Variants in ARSG observed in about 807,000 individuals in gnomAD.
The protein encoded by ARSG is ASG.
In ARSG, 37 loss-of-function variants were observed where a neutral mutation model predicts 50.5. That is an observed-to-expected ratio of 0.73 (90% CI 0.56 to 0.96). The LOEUF is 0.96. Ranked by LOEUF, ARSG falls within the 50% of genes least tolerant of loss-of-function variation. The pLI is 0.00. For synonymous variants in ARSG, 225 were observed against 254.6 expected, an observed-to-expected ratio of 0.88 and a Z score of 1.11; for missense variants, 629 against 675.3, an observed-to-expected ratio of 0.93 and a Z score of 0.76.
intron 4 of ARSG, among the ~76,000 whole-genome samples, chr17:68,348,079 G>A (rs57530523): frequency 0.025 from 3,838 of 152,210 alleles, 157 homozygotes; most frequent in African/African-American, 0.088. Context: ...ATTGGCTGAC[G>A]TCTTCTTCAA....
downstream of ARSG, chr17:68,426,243 GGGGA>G (rs758617804): frequency 1.7e-4 from 159 of 935,214 alleles, no homozygotes; most frequent in Non-Finnish European, 2.3e-4. Context: ...CCTGGCGGGT[GGGGA>G]GCGGGGGCTC....
At chr17:68,432,647 G>A in the ARSG span, among the ~76,000 whole-genome samples, 3 of 152,046 alleles carry the variant, frequency 2.0e-5, no homozygotes, top group East Asian at 1.9e-4. Context: ...ATGTATCAGC[G>A]TGATATGGTG....
At chr17:68,322,628 T>TA (rs143585124) in intron 2 of ARSG, among the ~76,000 whole-genome samples, 8,473 of 127,788 alleles carry the variant, frequency 0.066, 280 homozygotes, top group East Asian at 0.12. Context: ...AAAAATAAAA[T>TA]AAAAAAAAAT....
chr17:68,424,348 C>G, downstream of ARSG: 1 of 490,524 alleles, frequency 2.0e-6, no homozygotes, highest in South Asian at 1.5e-5. Flanking sequence ...GCCCTGCATG[C>G]AGGGCCCCAC....
chr17:68,331,231 TTG>T (rs1167675528), intron 2 of ARSG, among the ~76,000 whole-genome samples: 4 of 18,456 alleles, frequency 2.2e-4, no homozygotes, highest in African/African-American at 1.0e-3. Context: ...CTTTCTTTCT[TTG>T]TTTCTTTCTT....
chr17:68,273,201 GTTCAT>G (rs1287072331), intron 1 of ARSG, among the ~76,000 whole-genome samples: 1 of 151,034 alleles, frequency 6.6e-6, no homozygotes, highest in Non-Finnish European at 1.5e-5. Flanking sequence ...TCCTTTTATT[GTTCAT>G]TTCATTTTTT....
chr17:68,397,617 T>C (rs2081299837), intron 10 of ARSG, among the ~76,000 whole-genome samples: 1 of 152,032 alleles, frequency 6.6e-6, no homozygotes, highest in Admixed American at 6.6e-5. Context: ...GGTAAGAATA[T>C]GAGGAATTAT....
intron 1 of ARSG, among the ~76,000 whole-genome samples, chr17:68,262,393 C>T (rs1271403920): frequency 6.6e-6 from 1 of 151,958 alleles, no homozygotes. Flanking sequence ...ATTGCTTGAG[C>T]CTGGGAGGCG....
At chr17:68,433,760 G>GTTTTTTTTTTTTTTTTTT in the ARSG span, among the ~76,000 whole-genome samples, 1 of 72,818 alleles carries the variant, frequency 1.4e-5, no homozygotes, top group African/African-American at 6.6e-5. Context: ...AAGGGTCATA[G>GTTTTTTTTTTTTTTTTTT]TTTTTTTTTT....
At chr17:68,352,113 GA>G (rs2078804454) in intron 5 of ARSG, among the ~76,000 whole-genome samples, 3 of 100,282 alleles carry the variant, frequency 3.0e-5, no homozygotes, top group East Asian at 2.3e-4. Context: ...GAGAGAGAGA[GA>G]CAGAGGAGAG....
intron 1 of ARSG, among the ~76,000 whole-genome samples, chr17:68,282,341 G>A (rs551000605): frequency 1.3e-3 from 201 of 152,136 alleles, no homozygotes; most frequent in African/African-American, 4.4e-3. Context: ...ATCACACACC[G>A]GGGCCTGTCG....
intron 10 of ARSG, among the ~76,000 whole-genome samples, chr17:68,398,067 T>C (rs1337181446): frequency 6.6e-6 from 1 of 152,218 alleles, no homozygotes; most frequent in Non-Finnish European, 1.5e-5. Flanking sequence ...GTGCCTGGGC[T>C]GCATATGCAT....
chr17:68,268,912 AG>A (rs2075238322), intron 1 of ARSG: 1 of 1,369,230 alleles, frequency 7.3e-7, no homozygotes, highest in Non-Finnish European at 9.8e-7. Context: ...AAAAAAAAAA[AG>A]CTTAAAACAA....
the ARSG span, chr17:68,430,195 G>A: frequency 1.9e-6 from 3 of 1,581,898 alleles, no homozygotes; most frequent in Non-Finnish European, 2.6e-6. Context: ...ATGGGACTGG[G>A]CTGCAGGCCC....
intron 1 of ARSG, among the ~76,000 whole-genome samples, chr17:68,292,213 C>T (rs1426668039): frequency 2.0e-5 from 3 of 151,816 alleles, no homozygotes; most frequent in African/African-American, 7.3e-5. Flanking sequence ...GCTGAGTCAG[C>T]ATCCCCGGCC....
chr17:68,399,108 C>T lies in ARSG; in HGVS notation c.1213-2252C>T, dbSNP rs2081370171. 6.6e-6 allele frequency among the ~76,000 whole-genome samples: 1 copy of T among 152,224 alleles called. No individual in the cohort carries two copies. The highest frequency in any genetic ancestry group is 2.4e-5 in the African/African-American group (1 of 41,460). On this transcript the variant is annotated intron_variant, in intron 10 of 11. Transcript: ENST00000621439. This position sits in a 1 kb window ranked among gnomAD's most constrained non-coding sequence, Gnocchi z 4.6. ...AGCTCTGCATCTGCCCAGCCTCACA[C>T]AGTCTGGGGCTGCTGTGGGTCATCA...
At chr17:68,377,622 A>G (rs2080214829) in intron 8 of ARSG, among the ~76,000 whole-genome samples, 1 of 152,196 alleles carries the variant, frequency 6.6e-6, no homozygotes, top group East Asian at 1.9e-4. Context: ...AACCCCCATT[A>G]GACTAAATTT....
intron 1 of ARSG, among the ~76,000 whole-genome samples, chr17:68,298,372 G>A (rs1270674052): frequency 1.3e-5 from 2 of 151,916 alleles, no homozygotes; most frequent in Non-Finnish European, 2.9e-5. Flanking sequence ...GGAGGGTGAG[G>A]TGGGTGGATC....
chr17:68,411,797 T>C (rs2082012070), intron 11 of ARSG, among the ~76,000 whole-genome samples: 1 of 148,762 alleles, frequency 6.7e-6, no homozygotes, highest in Non-Finnish European at 1.5e-5. Flanking sequence ...GCTTTATGAA[T>C]CTGGGTGCTC....
Sources: allele counts gnomAD v4.1 joint callset (sites outside exome capture counted in the v4.1 genomes callset), GRCh38; gene constraint gnomAD v4.1.1; non-coding constraint Gnocchi (gnomAD v3.1); transcripts MANE v1.5; gene names NCBI Gene and HGNC (gene_info 2026-07-23, HGNC 2026-07-21).